Variants in PCSK2 observed in about 807,000 individuals in gnomAD.
PCSK2 encodes the protein proprotein convertase subtilisin/kexin type 2.
A neutral mutation model predicts 69.7 loss-of-function variants in PCSK2; 14 were observed. That is an observed-to-expected ratio of 0.20 (90% CI 0.13 to 0.31). The LOEUF (loss-of-function observed/expected upper bound fraction) is 0.31, where lower values mean the gene tolerates loss of function less well. PCSK2 is among the 10% of genes least tolerant of loss of function. PCSK2 has a pLI of 1.00. For synonymous variants in PCSK2, 307 were observed against 320.7 expected, an observed-to-expected ratio of 0.96 and a Z score of 0.46; for missense variants, 544 against 842.5, an observed-to-expected ratio of 0.65 and a Z score of 4.39.
chr20:17,315,221 G>C (rs1989644016), intron 2 of PCSK2, among the ~76,000 whole-genome samples: 1 of 152,078 alleles, frequency 6.6e-6, no homozygotes, highest in Non-Finnish European at 1.5e-5. Context: ...CTCTCAGTGT[G>C]GTGTGGTGGT....
At chr20:17,351,723 A>G (rs1405343601) in intron 2 of PCSK2, among the ~76,000 whole-genome samples, 1 of 152,196 alleles carries the variant, frequency 6.6e-6, no homozygotes, top group African/African-American at 2.4e-5. Context: ...GCCAGCTATG[A>G]CAAACCCATA....
intron 2 of PCSK2, among the ~76,000 whole-genome samples, chr20:17,303,358 A>C (rs1989157348): frequency 7.7e-6 from 1 of 129,532 alleles, no homozygotes; most frequent in South Asian, 2.2e-4. Context: ...TAAACATACA[A>C]TATATGATAT....
At chr20:17,432,740 A>G (rs1389063299) in intron 7 of PCSK2, among the ~76,000 whole-genome samples, 6 of 152,234 alleles carry the variant, frequency 3.9e-5, no homozygotes, top group East Asian at 1.9e-4. Flanking sequence ...TTCTGAAAAT[A>G]TTAAAGCTCG....
chr20:17,269,587 G>T (rs2123021063), intron 2 of PCSK2, among the ~76,000 whole-genome samples: 1 of 152,246 alleles, frequency 6.6e-6, no homozygotes, highest in South Asian at 2.1e-4. Flanking sequence ...ATGAACTTAT[G>T]AAATTAAAGG....
At chr20:17,307,222 C>G (rs60467689) in intron 2 of PCSK2, among the ~76,000 whole-genome samples, 1 of 152,268 alleles carries the variant, frequency 6.6e-6, no homozygotes, top group African/African-American at 2.4e-5. Flanking sequence ...TAATCTCAAT[C>G]AATTTTCAGA....
chr20:17,280,779 T>A (rs1390006143), intron 2 of PCSK2, among the ~76,000 whole-genome samples: 2 of 152,220 alleles, frequency 1.3e-5, no homozygotes, highest in Admixed American at 1.3e-4. Flanking sequence ...ACTTTCCATG[T>A]GCCTTTTGTC....
chr20:17,276,280 CA>C (rs1286071127), intron 2 of PCSK2, among the ~76,000 whole-genome samples: 1 of 152,134 alleles, frequency 6.6e-6, no homozygotes, highest in Non-Finnish European at 1.5e-5. Context: ...CCAGCTTTCT[CA>C]AATCCCTCAG....
chr20:17,455,970 G>A (rs995033081), intron 9 of PCSK2, among the ~76,000 whole-genome samples: 6 of 152,174 alleles, frequency 3.9e-5, no homozygotes, highest in Non-Finnish European at 8.8e-5. Flanking sequence ...AGTAGGCTGG[G>A]GGCAGTGACT....
intron 2 of PCSK2, 81 bp downstream of exon 2, chr20:17,260,425 G>A (rs2122998825): frequency 1.1e-6 from 1 of 950,078 alleles, no homozygotes; most frequent in South Asian, 1.3e-5. Flanking sequence ...GGGCTGGCAG[G>A]GAATTTTGAA....
intron 6 of PCSK2, among the ~76,000 whole-genome samples, chr20:17,420,505 C>A (rs2032099053): frequency 6.6e-6 from 1 of 152,108 alleles, no homozygotes; most frequent in African/African-American, 2.4e-5. Context: ...TTTCTAGTCC[C>A]CTACCTGGAT....
intron 1 of PCSK2, among the ~76,000 whole-genome samples, chr20:17,235,422 T>C (rs1986302672): frequency 6.6e-6 from 1 of 152,170 alleles, no homozygotes. Context: ...ATTGTTCTCC[T>C]AGTTTTTCCT....
intron 2 of PCSK2, among the ~76,000 whole-genome samples, chr20:17,281,210 C>T (rs1876550558): frequency 6.6e-6 from 1 of 152,212 alleles, no homozygotes; most frequent in South Asian, 2.1e-4. Context: ...TTGGAGACAA[C>T]CTCTTTGTCC....
rs1568612033 is a variant in PCSK2 at position 17,347,832 on chromosome 20, GAAA to G, written c.283-10494_283-10492del. ...AGAAAGAAAGAAAGAAAGAAAGAAA[GAAA>G]GAAAGAAAGAAAGAAAGAAAGAAAG... is the stretch of plus-strand genomic sequence containing the variant. On this transcript the variant is annotated intron_variant, in intron 2 of 11. Coordinates refer to ENST00000262545, the MANE Select transcript of PCSK2 (RefSeq NM_002594.5). 5.3e-4 allele frequency among the ~76,000 whole-genome samples: 67 copies of G among 125,556 alleles called. 1 individual carries two copies. The East Asian group carries it at 5.9e-3, about 11-fold the overall frequency. The allele number at this position is 125,556 out of a possible 152,430, so 82.4% of individuals were successfully genotyped here. A position where few individuals can be genotyped will look rare whatever the true frequency, so the allele number is the denominator to read the frequency against.
chr20:17,239,949 GT>G (rs1986502059), intron 1 of PCSK2, among the ~76,000 whole-genome samples: 2 of 146,936 alleles, frequency 1.4e-5, no homozygotes, highest in Admixed American at 1.4e-4. Context: ...CGCCTCCCGG[GT>G]TCAAGTGATT....
In PCSK2 at chr20:17,328,254, G is replaced by A. The variant is rs540538680; in HGVS notation, c.283-30073G>A. ...TCTCCCAGAAAAGTTTTTGGGATTT[G>A]GGAATTTTATGTGTAGGTTTTCCAC... On this transcript the variant is annotated intron_variant, in intron 2 of 11. Transcript: ENST00000262545. Among the ~76,000 whole-genome samples the A allele has an allele frequency of 4.0e-5, 6 of 151,780 alleles. No homozygotes were observed. In the South Asian group the frequency reaches 1.2e-3, roughly 32 times the overall value.
chr20:17,244,921 T>G (rs1332976102), intron 1 of PCSK2, among the ~76,000 whole-genome samples: 1 of 152,162 alleles, frequency 6.6e-6, no homozygotes, highest in Non-Finnish European at 1.5e-5. Flanking sequence ...CTGCCCAGCC[T>G]CACATTTCTT....
chr20:17,437,902 A>G (rs1407899084), intron 8 of PCSK2, among the ~76,000 whole-genome samples: 2 of 152,092 alleles, frequency 1.3e-5, no homozygotes, highest in Non-Finnish European at 2.9e-5. Context: ...TGATGCATCC[A>G]TCTACTTGCC....
chr20:17,341,426 C>A (rs562116563), intron 2 of PCSK2, among the ~76,000 whole-genome samples: 2 of 152,298 alleles, frequency 1.3e-5, no homozygotes, highest in South Asian at 4.1e-4. Context: ...GGGCCGCCCC[C>A]AGTATCTACC....
At chr20:17,326,860 C>T (rs999862151) in intron 2 of PCSK2, among the ~76,000 whole-genome samples, 5 of 152,196 alleles carry the variant, frequency 3.3e-5, no homozygotes, top group African/African-American at 9.6e-5. Context: ...GGAGAGGGCT[C>T]CTGTCAGAAT....
Sources: allele counts gnomAD v4.1 joint callset (sites outside exome capture counted in the v4.1 genomes callset), GRCh38; gene constraint gnomAD v4.1.1; transcripts MANE v1.5; gene names NCBI Gene and HGNC (gene_info 2026-07-23, HGNC 2026-07-21).